Variants in TDRD3 observed in about 807,000 individuals in gnomAD.
TDRD3 encodes tudor domain-containing protein 3.
A neutral mutation model predicts 86.7 loss-of-function variants in TDRD3; 45 were observed. That is an observed-to-expected ratio of 0.52 (90% confidence interval 0.41 to 0.67). The LOEUF (loss-of-function observed/expected upper bound fraction) is 0.67, where lower values mean the gene tolerates loss of function less well. Among genes scored for constraint, TDRD3 ranks in the 30% least tolerant of loss-of-function variants. TDRD3 has a pLI of 0.00. For synonymous variants in TDRD3, 298 were observed against 301.7 expected, an observed-to-expected ratio of 0.99 and a Z score of 0.13; for missense variants, 814 against 889.0, an observed-to-expected ratio of 0.92 and a Z score of 1.07.
chr13:60,555,526 A>G (rs769872946), intron 12 of TDRD3, among the ~76,000 whole-genome samples: 8 of 152,232 alleles, frequency 5.3e-5, no homozygotes, highest in Admixed American at 1.3e-4. Context: ...TAAGTTGCAG[A>G]GCTGATAGTC....
At chr13:60,567,290 A>G (rs1958481985) in intron 12 of TDRD3, among the ~76,000 whole-genome samples, 1 of 152,200 alleles carries the variant, frequency 6.6e-6, no homozygotes, top group Admixed American at 6.5e-5. Context: ...TTACCACTAT[A>G]AATGATGTTT....
At chr13:60,549,745 C>A (rs1400556982) in intron 12 of TDRD3, among the ~76,000 whole-genome samples, 1 of 152,012 alleles carries the variant, frequency 6.6e-6, no homozygotes, top group African/African-American at 2.4e-5. Context: ...TGAGGCTTAA[C>A]CTATTGACTT....
intron 13 of TDRD3, among the ~76,000 whole-genome samples, chr13:60,568,900 A>G (rs1188708682): frequency 6.6e-6 from 1 of 152,232 alleles, no homozygotes; most frequent in Admixed American, 6.5e-5. Context: ...GTAAAGTTGC[A>G]GGATACAAAA....
intron 5 of TDRD3, 32 bp downstream of exon 5, chr13:60,467,411 A>AAGAGTG (rs777250240): frequency 1.2e-6 from 2 of 1,604,572 alleles, no homozygotes; most frequent in Non-Finnish European, 1.7e-6. Context: ...AACTTTTGAA[A>AAGAGTG]CATTACACTC....
chr13:60,547,439 G>A (rs929341171), intron 12 of TDRD3: 1 of 984,696 alleles, frequency 1.0e-6, no homozygotes, highest in Admixed American at 6.2e-5. Flanking sequence ...GGAGGAGTCA[G>A]AAGACCTGGG....
At chr13:60,445,098 C>A (rs1955369184) in intron 3 of TDRD3, among the ~76,000 whole-genome samples, 1 of 152,008 alleles carries the variant, frequency 6.6e-6, no homozygotes, top group Non-Finnish European at 1.5e-5. Context: ...CCTTAATAAA[C>A]TGTTATGTTT....
intron 10 of TDRD3, among the ~76,000 whole-genome samples, chr13:60,524,021 C>T (rs1957349736): frequency 6.6e-6 from 1 of 151,622 alleles, no homozygotes; most frequent in Non-Finnish European, 1.5e-5. Flanking sequence ...TTGTACTCTG[C>T]TGACTGTACA....
intron 1 of TDRD3, among the ~76,000 whole-genome samples, chr13:60,399,499 A>G (rs1174995325): frequency 6.6e-6 from 1 of 152,202 alleles, no homozygotes; most frequent in Admixed American, 6.5e-5. Context: ...CTAGGCTTTC[A>G]GGTGGCTTCT....
intron 3 of TDRD3, among the ~76,000 whole-genome samples, chr13:60,446,082 T>C (rs947511273): frequency 2.0e-5 from 3 of 152,230 alleles, no homozygotes; most frequent in Admixed American, 6.6e-5. Flanking sequence ...TAAAACATTC[T>C]TAATGCAAAT....
intron 1 of TDRD3, among the ~76,000 whole-genome samples, chr13:60,428,228 T>C (rs1232393814): frequency 6.6e-6 from 1 of 150,480 alleles, no homozygotes; most frequent in Admixed American, 6.7e-5. Context: ...CCTGCCTGGA[T>C]TATCTAGTAT....
intron 8 of TDRD3, among the ~76,000 whole-genome samples, chr13:60,494,793 C>T (rs1019764855): frequency 5.9e-5 from 9 of 152,078 alleles, no homozygotes; most frequent in Non-Finnish European, 1.2e-4. Context: ...TTACTAATGT[C>T]CTAATAATAT....
chr13:60,437,869 T>C (rs975364792), intron 1 of TDRD3, among the ~76,000 whole-genome samples: 1 of 152,118 alleles, frequency 6.6e-6, no homozygotes, highest in African/African-American at 2.4e-5. Flanking sequence ...TCTTTTTTCT[T>C]CTCCATTTTC....
rs1197790930 is a variant in TDRD3, at chr13:60,397,221, C to G, written c.-144C>G. 2 of 447,092 alleles carry G rather than the reference C, an allele frequency of 4.5e-6. No homozygotes were observed. Among genetic ancestry groups the G allele is most frequent in the African/African-American group, 2.0e-5 (1 of 49,434 alleles). 27.7% of individuals were successfully genotyped at this position (447,092 alleles called of 1,614,324 possible). A position where few individuals can be genotyped will look rare whatever the true frequency, so the allele number is the denominator to read the frequency against. On this transcript the variant is annotated 5_prime_UTR_variant, in exon 1 of 14. Transcript: ENST00000377881. The stretch of plus-strand genomic sequence containing the variant: ...CCCGCACGCGGAAGCGCCGGCCGCA[C>G]TGAGCATGCCCAGTTGCAGAGCCGA...
intron 8 of TDRD3, among the ~76,000 whole-genome samples, chr13:60,504,862 G>A (rs1228958335): frequency 6.6e-6 from 1 of 152,160 alleles, no homozygotes; most frequent in African/African-American, 2.4e-5. Context: ...CCATAGCCAA[G>A]ATAAGCCATG....
intron 1 of TDRD3, among the ~76,000 whole-genome samples, chr13:60,415,903 A>G (rs557953218): frequency 3.3e-5 from 5 of 152,276 alleles, no homozygotes; most frequent in East Asian, 1.9e-4. Context: ...AACTTCATCA[A>G]TATATCTTTT....
At position 60,528,761 on chromosome 13, in the gene TDRD3, C is replaced by G. The variant is rs887331059; in HGVS notation, c.1536C>G (p.Ser512=). Residue 512 remains serine (S), a synonymous_variant, in exon 11 of 14, where the codon TCC becomes TCG. Coordinates refer to ENST00000377881, the MANE Select transcript of TDRD3 (RefSeq NM_001146070.2). ...AAAGCAGATCAGGAAAAGGTCCCTC[C>G]TTTGCAGAGGCAAAAGAAAATCCAC... ...SMQSRSGKGP[S]FAEAKENPLP... 5 of 1,613,320 alleles carry G rather than the reference C, an allele frequency of 3.1e-6. No homozygotes were observed. The highest frequency in any genetic ancestry group is 2.2e-5 in the East Asian group (1 of 44,876).
At chr13:60,424,543 G>A (rs1455352325) in intron 1 of TDRD3, among the ~76,000 whole-genome samples, 1 of 151,972 alleles carries the variant, frequency 6.6e-6, no homozygotes, top group Non-Finnish European at 1.5e-5. Flanking sequence ...TGGGCATAGT[G>A]GGATGCTCCT....
In TDRD3 at chr13:60,478,825, A is replaced by T. The variant is rs143565580; in HGVS notation, c.496-4950A>T. Among the ~76,000 whole-genome samples the T allele has an allele frequency of 6.8e-3, 771 of 114,114 alleles. 7 individuals are homozygous for T. The highest frequency in any genetic ancestry group is 0.025 in the African/African-American group (729 of 29,054). 74.9% of individuals were successfully genotyped at this position (114,114 alleles called of 152,430 possible). ...ACTTTTTTTTTTTTTTTTTTTTGAG[A>T]TGGAGTCTCACTGTGTCATCCAGGC... On this transcript the variant is annotated intron_variant, in intron 5 of 13. Transcript: ENST00000377881.
chr13:60,421,370 C>T (rs1289529238), intron 1 of TDRD3, among the ~76,000 whole-genome samples: 3 of 152,100 alleles, frequency 2.0e-5, no homozygotes, highest in African/African-American at 7.2e-5. Flanking sequence ...CTTACTATCA[C>T]GAGAATAGCA....
Sources: gnomAD v4.1 joint callset for allele counts (sites outside exome capture counted in the v4.1 genomes callset) on GRCh38, gnomAD v4.1.1 for gene constraint, MANE v1.5 for transcripts, NCBI Gene and HGNC (gene_info 2026-07-23, HGNC 2026-07-21) for gene names.